The following STPG2 variants were observed in gnomAD, a reference collection of about 807,000 sequenced individuals.
STPG2 encodes the protein sperm tail PG-rich repeat containing 2.
In STPG2, 56 loss-of-function variants were observed where a neutral mutation model predicts 54.2. That is an observed-to-expected ratio of 1.03 (90% CI 0.83 to 1.29). The LOEUF (loss-of-function observed/expected upper bound fraction) is 1.29. Ranked by LOEUF, STPG2 falls within the 50% of genes most tolerant of loss-of-function variation. The pLI is 0.00. For synonymous variants in STPG2, 200 were observed against 181.8 expected, an observed-to-expected ratio of 1.10 and a Z score of -0.81; for missense variants, 596 against 544.9, an observed-to-expected ratio of 1.09 and a Z score of -0.93.
chr4:98,138,667 G>A (rs1426070848), intron 1 of STPG2, among the ~76,000 whole-genome samples: 4 of 152,054 alleles, frequency 2.6e-5, no homozygotes, highest in African/African-American at 7.2e-5. Context: ...AAAAAAGATA[G>A]ATTGCATTCC....
chr4:98,115,534 T>C (rs746388358), intron 3 of STPG2, among the ~76,000 whole-genome samples: 7 of 152,008 alleles, frequency 4.6e-5, no homozygotes, highest in Non-Finnish European at 8.8e-5. Flanking sequence ...CTTAATTCTG[T>C]ATTTAAGCTT....
chr4:97,662,753 T>C (rs376039827), intron 10 of STPG2, among the ~76,000 whole-genome samples: 2 of 152,000 alleles, frequency 1.3e-5, no homozygotes, highest in African/African-American at 4.8e-5. Flanking sequence ...CATACAGACA[T>C]AAAGATGGGA....
intron 8 of STPG2, among the ~76,000 whole-genome samples, chr4:97,932,417 C>T (rs1732585122): frequency 6.6e-6 from 1 of 152,090 alleles, no homozygotes. Flanking sequence ...TAGTTTGTCA[C>T]ATAGATAAAA....
intron 9 of STPG2, among the ~76,000 whole-genome samples, chr4:97,714,924 C>T (rs1456458207): frequency 1.3e-5 from 2 of 151,980 alleles, no homozygotes; most frequent in Non-Finnish European, 2.9e-5. Flanking sequence ...TATTCTCTAC[C>T]CTTACCATCA....
At chr4:98,108,251 T>C (rs901866967) in intron 4 of STPG2, among the ~76,000 whole-genome samples, 2 of 152,142 alleles carry the variant, frequency 1.3e-5, no homozygotes, top group Non-Finnish European at 2.9e-5. Context: ...AGCAAATTAA[T>C]TGAGTACGTA....
downstream of STPG2, among the ~76,000 whole-genome samples, chr4:97,554,060 TA>T (rs1323896081): frequency 6.6e-6 from 1 of 152,218 alleles, no homozygotes; most frequent in East Asian, 1.9e-4. Flanking sequence ...TCATTATAAA[TA>T]ACTTCTGACC....
chr4:98,129,271 T>C (rs13113899), intron 2 of STPG2, among the ~76,000 whole-genome samples: 59,270 of 151,808 alleles, frequency 0.39, 11,773 homozygotes, highest in Middle Eastern at 0.45. Flanking sequence ...CATGCTATTA[T>C]ACTATCTACT....
intron 7 of STPG2, among the ~76,000 whole-genome samples, chr4:97,949,414 C>T (rs1003572412): frequency 5.3e-5 from 8 of 152,168 alleles, no homozygotes; most frequent in Admixed American, 3.3e-4. Context: ...ACGCCATTTA[C>T]GTTCAACATA....
At chr4:97,745,722 A>G (rs1725403869) in intron 9 of STPG2, among the ~76,000 whole-genome samples, 1 of 151,224 alleles carries the variant, frequency 6.6e-6, no homozygotes, top group East Asian at 1.9e-4. Flanking sequence ...TATATTTTTC[A>G]ATGAATCTAG....
chr4:97,540,980 A>G (rs1731685836), intron 4 of STPG2, among the ~76,000 whole-genome samples: 1 of 152,216 alleles, frequency 6.6e-6, no homozygotes, highest in Non-Finnish European at 1.5e-5. Flanking sequence ...CAAAATAATA[A>G]GAGGTATTTA....
intron 10 of STPG2, among the ~76,000 whole-genome samples, chr4:97,638,833 A>T (rs1165646351): frequency 1.4e-5 from 2 of 140,590 alleles, no homozygotes; most frequent in Non-Finnish European, 3.1e-5. Flanking sequence ...ATCATTAAAA[A>T]GTCAGGAAAC....
chr4:97,626,527 G>C (rs892155860), intron 10 of STPG2, among the ~76,000 whole-genome samples: 1 of 151,946 alleles, frequency 6.6e-6, no homozygotes, highest in Non-Finnish European at 1.5e-5. Context: ...TTCTTTTTAA[G>C]TACACTTCTC....
intron 5 of STPG2, among the ~76,000 whole-genome samples, chr4:97,993,659 G>A (rs963621966): frequency 6.6e-6 from 1 of 151,792 alleles, no homozygotes; most frequent in Admixed American, 6.6e-5. Context: ...CAATAGGATT[G>A]GTACCAATTC....
chr4:97,531,558 C>A (rs1308127133), intron 4 of STPG2, among the ~76,000 whole-genome samples: 2 of 152,094 alleles, frequency 1.3e-5, no homozygotes, highest in Non-Finnish European at 1.5e-5. Flanking sequence ...TCATTTGCAA[C>A]AACATTGATG....
chr4:97,467,587 A>C (rs1729818200), intron 4 of STPG2, among the ~76,000 whole-genome samples: 1 of 151,992 alleles, frequency 6.6e-6, no homozygotes, highest in Non-Finnish European at 1.5e-5. Context: ...AGTGATTCAT[A>C]AAGCCTATTA....
intron 10 of STPG2, among the ~76,000 whole-genome samples, chr4:97,599,621 A>C (rs1733401503): frequency 6.6e-6 from 1 of 152,092 alleles, no homozygotes; most frequent in African/African-American, 2.4e-5. Flanking sequence ...CAGGAGATCA[A>C]GACCATCCTG....
chr4:98,115,639 T>C (rs1420418324), intron 3 of STPG2, among the ~76,000 whole-genome samples: 1 of 151,954 alleles, frequency 6.6e-6, no homozygotes, highest in Non-Finnish European at 1.5e-5. Flanking sequence ...TCTATCAATA[T>C]GCACCTCTGG....
intron 5 of STPG2, among the ~76,000 whole-genome samples, chr4:97,991,653 A>T (rs1735021534): frequency 6.6e-6 from 1 of 151,886 alleles, no homozygotes; most frequent in African/African-American, 2.4e-5. Flanking sequence ...TGGTAGATCT[A>T]CTTTTAGTTT....
intron 9 of STPG2, among the ~76,000 whole-genome samples, chr4:97,794,467 A>G (rs1727104420): frequency 1.3e-5 from 2 of 152,144 alleles, no homozygotes; most frequent in Non-Finnish European, 2.9e-5. Context: ...TGCAATGCCA[A>G]GTCACTGACA....
Sources: gnomAD v4.1 joint callset for allele counts (sites outside exome capture counted in the v4.1 genomes callset) on GRCh38, gnomAD v4.1.1 for gene constraint, MANE v1.5 for transcripts, NCBI Gene and HGNC (gene_info 2026-07-23, HGNC 2026-07-21) for gene names.